Variants in SEMA3C observed in about 807,000 individuals in gnomAD.
SEMA3C encodes semaphorin-3C.
A neutral mutation model predicts 89.4 loss-of-function variants in SEMA3C; 47 were observed. The observed-to-expected ratio is 0.53, with a 90% CI of 0.42 to 0.67. The LOEUF is 0.67. Ranked by LOEUF, SEMA3C falls within the 30% of genes least tolerant of loss-of-function variation. The pLI is 0.00. For missense variants in SEMA3C, 839 were observed against 929.1 expected (o/e 0.90, Z 1.26); for synonymous variants, 310 against 320.2 (o/e 0.97, Z 0.34).
intron 13 of SEMA3C, among the ~76,000 whole-genome samples, chr7:80,763,868 C>T (rs575017811): frequency 6.6e-6 from 1 of 152,136 alleles, no homozygotes; most frequent in East Asian, 1.9e-4. Flanking sequence ...CTTTATAAAA[C>T]AAGGCATGAA....
At position 80,744,574 on chromosome 7, in the gene SEMA3C, C is replaced by A. The variant is rs1374062516; in HGVS notation, c.*320G>T. ...GAAAGGAATACCACAGGGATATGGC[C>A]CTCATTCAATTGAGGGATGCAACAA... On this transcript the variant is annotated 3_prime_UTR_variant, in exon 18 of 18. Coordinates refer to ENST00000265361, the MANE Select transcript of SEMA3C (RefSeq NM_006379.5). The A allele has an allele frequency of 2.9e-6, 1 of 347,704 alleles. No individual in the cohort carries two copies. Among genetic ancestry groups the A allele is most frequent in the Non-Finnish European group, 5.3e-6 (1 of 188,246 alleles). The allele number at this position is 347,704 out of a possible 1,614,324, so 21.5% of individuals were successfully genotyped here. A position where few individuals can be genotyped will look rare whatever the true frequency, so the allele number is the denominator to read the frequency against.
At chr7:80,773,070 C>T (rs2117076552) in intron 12 of SEMA3C, among the ~76,000 whole-genome samples, 1 of 152,190 alleles carries the variant, frequency 6.6e-6, no homozygotes, top group African/African-American at 2.4e-5. Context: ...TTTTTTAAAC[C>T]TATTTCATTT....
Position 80,745,146 on chromosome 7 carries a change from A to G in SEMA3C, c.2004T>C (p.Ala668=). 6.2e-7 allele frequency: 1 copy of G among 1,614,068 alleles called. No homozygotes were observed. Among genetic ancestry groups the G allele is most frequent in the Non-Finnish European group, 8.5e-7 (1 of 1,180,004 alleles). ...ATGGGGACCATTTGTCCGTCACAAC[A>G]GCCACCATTTCTGAATCTAAAACTT... ...NFKVLDSEMV[A]VVTDKWSPWT... is the part of the protein sequence containing the mutation. The change falls in exon 18 of 18, where the codon GCT becomes GCC. Residue 668 remains alanine (A), a synonymous_variant. Transcript: ENST00000265361.
chr7:80,776,980 ATG>A (rs1022779049), intron 12 of SEMA3C, among the ~76,000 whole-genome samples: 1 of 152,150 alleles, frequency 6.6e-6, no homozygotes, highest in Non-Finnish European at 1.5e-5. Context: ...TATCATAGAT[ATG>A]TGTGATTGAT....
At chr7:80,867,340 A>G (rs1171392100) in intron 2 of SEMA3C, among the ~76,000 whole-genome samples, 2 of 152,006 alleles carry the variant, frequency 1.3e-5, no homozygotes, top group South Asian at 2.1e-4. Flanking sequence ...ACCTAAAGCT[A>G]TCCTCCTACC....
chr7:80,842,724 G>T (rs1362421475), intron 2 of SEMA3C, among the ~76,000 whole-genome samples: 1 of 152,080 alleles, frequency 6.6e-6, no homozygotes, highest in Non-Finnish European at 1.5e-5. Flanking sequence ...GATAGCTGGG[G>T]TGGTGTTATT....
chr7:80,888,480 A>G (rs1412472838), intron 2 of SEMA3C, among the ~76,000 whole-genome samples: 1 of 152,072 alleles, frequency 6.6e-6, no homozygotes, highest in Non-Finnish European at 1.5e-5. Flanking sequence ...AAATAAATAA[A>G]TAAATAGATA....
At chr7:80,896,609 C>G (rs1791743591) in intron 2 of SEMA3C, among the ~76,000 whole-genome samples, 1 of 152,122 alleles carries the variant, frequency 6.6e-6, no homozygotes, top group African/African-American at 2.4e-5. Context: ...TTAACTGGAA[C>G]CTCAGGTGGA....
chr7:80,779,626 G>A (rs548332432), intron 12 of SEMA3C, among the ~76,000 whole-genome samples: 7 of 152,008 alleles, frequency 4.6e-5, no homozygotes, highest in East Asian at 3.9e-4. Flanking sequence ...CTACATCATC[G>A]TGAAAATGAT....
chr7:80,908,675 T>G (rs781455325), intron 2 of SEMA3C, among the ~76,000 whole-genome samples: 29 of 152,230 alleles, frequency 1.9e-4, no homozygotes, highest in Non-Finnish European at 3.8e-4. Context: ...ATTACTTCCT[T>G]TTTGCGGGTT....
At chr7:80,801,593 G>T (rs927918865) in intron 9 of SEMA3C, among the ~76,000 whole-genome samples, 1 of 151,844 alleles carries the variant, frequency 6.6e-6, no homozygotes, top group African/African-American at 2.4e-5. Context: ...GAAACACAAA[G>T]AAATATGTAT....
chr7:80,853,271 T>C (rs1790559992), intron 2 of SEMA3C, among the ~76,000 whole-genome samples: 4 of 152,098 alleles, frequency 2.6e-5, no homozygotes, highest in Admixed American at 2.6e-4. Flanking sequence ...GCTGGGTACA[T>C]ATGCAAAAGA....
At chr7:80,894,992 A>C (rs527928861) in intron 2 of SEMA3C, among the ~76,000 whole-genome samples, 7 of 152,272 alleles carry the variant, frequency 4.6e-5, no homozygotes, top group Non-Finnish European at 1.0e-4. Flanking sequence ...TTTCTTTTAA[A>C]CTGTGAGAAA....
intron 13 of SEMA3C, among the ~76,000 whole-genome samples, chr7:80,763,816 T>C (rs1053755619): frequency 1.3e-5 from 2 of 152,180 alleles, no homozygotes; most frequent in Non-Finnish European, 2.9e-5. Flanking sequence ...AAATATGTTC[T>C]ATATAATGTG....
chr7:80,815,586 G>T (rs888180584), intron 5 of SEMA3C, among the ~76,000 whole-genome samples: 6 of 108,814 alleles, frequency 5.5e-5, no homozygotes, highest in African/African-American at 1.9e-4. Context: ...AAATGTAGAG[G>T]AAAGGGAATG....
intron 2 of SEMA3C, among the ~76,000 whole-genome samples, chr7:80,875,205 C>T (rs1029167525): frequency 3.3e-5 from 5 of 151,956 alleles, no homozygotes; most frequent in Non-Finnish European, 5.9e-5. Flanking sequence ...TGGATGGTTG[C>T]GTGACAAATA....
At chr7:80,852,626 A>G (rs896344604) in intron 2 of SEMA3C, among the ~76,000 whole-genome samples, 7 of 152,136 alleles carry the variant, frequency 4.6e-5, no homozygotes, top group Non-Finnish European at 8.8e-5. Context: ...AAACAACTCA[A>G]TAGGAAAATA....
intron 12 of SEMA3C, among the ~76,000 whole-genome samples, chr7:80,775,944 A>G (rs1788540062): frequency 6.6e-6 from 1 of 152,162 alleles, no homozygotes; most frequent in South Asian, 2.1e-4. Flanking sequence ...GGCAATAACA[A>G]TATAAGAGAC....
intron 12 of SEMA3C, among the ~76,000 whole-genome samples, chr7:80,770,348 G>T (rs550596454): frequency 6.6e-6 from 1 of 152,258 alleles, no homozygotes; most frequent in African/African-American, 2.4e-5. Flanking sequence ...TCCTTCTGGG[G>T]GTGGTGAGAA....
Sources: allele counts gnomAD v4.1 joint callset (sites outside exome capture counted in the v4.1 genomes callset), GRCh38; gene constraint gnomAD v4.1.1; transcripts MANE v1.5; gene names NCBI Gene and HGNC (gene_info 2026-07-23, HGNC 2026-07-21).